PRICKLE2: variants seen among roughly 807,000 people sequenced by gnomAD.
The protein encoded by PRICKLE2 is prickle-like protein 2.
Under a neutral mutation model 81.4 loss-of-function variants are expected in PRICKLE2, and 21 were observed. The ratio of observed to expected loss-of-function variants is 0.26; its 90% CI spans 0.18 to 0.37. The LOEUF (loss-of-function observed/expected upper bound fraction) is 0.37, where lower values mean the gene tolerates loss of function less well. PRICKLE2 is among the 10% of genes least tolerant of loss of function. PRICKLE2 has a pLI of 1.00. For synonymous variants in PRICKLE2, 456 were observed against 421.5 expected (o/e 1.08, Z -1.00); for missense variants, 940 against 1,109.0 (o/e 0.85, Z 2.16).
intron 2 of PRICKLE2, among the ~76,000 whole-genome samples, chr3:64,242,009 C>T (rs1284077310): frequency 1.3e-5 from 2 of 152,130 alleles, no homozygotes; most frequent in African/African-American, 4.8e-5. Context: ...AGAAATCCCT[C>T]CATGTATATT....
At position 64,115,960 on chromosome 3, in the gene PRICKLE2, A is replaced by C. The variant is rs1006575231; in HGVS notation, c.1661-16035T>G. Among the ~76,000 whole-genome samples the C allele has an allele frequency of 2.0e-5, 3 of 152,208 alleles. No individual in the cohort carries two copies. The East Asian group carries it at 5.8e-4, about 29-fold the overall frequency. On this transcript the variant is annotated intron_variant, in intron 7 of 7. Coordinates refer to ENST00000638394, the MANE Select transcript of PRICKLE2 (RefSeq NM_198859.4). Reference sequence around the variant, plus strand: ...CACAATCAGAAGTAAAATTCTCCTCATCAAATGCAAAAGAACTGAAATCAT... The same window carrying C: ...CACAATCAGAAGTAAAATTCTCCTCCTCAAATGCAAAAGAACTGAAATCAT...
intron 2 of PRICKLE2, among the ~76,000 whole-genome samples, chr3:64,236,187 C>A (rs950108717): frequency 6.6e-6 from 1 of 152,110 alleles, no homozygotes; most frequent in Non-Finnish European, 1.5e-5. Flanking sequence ...GAAGTTGATG[C>A]CCAACACCTA....
chr3:64,163,045 G>A lies in PRICKLE2; in HGVS notation c.229C>T (p.Leu77=), dbSNP rs765702961. 3 of 1,613,580 alleles carry A rather than the reference G, an allele frequency of 1.9e-6. No homozygotes were observed. Among genetic ancestry groups the A allele is most frequent in the Non-Finnish European group, 2.5e-6 (3 of 1,179,568 alleles). The change falls in exon 3 of 8, where the codon CTA becomes TTA. Residue 77 remains leucine, a synonymous_variant. Transcript: ENST00000638394. ...TTGTCATGTGGCGGCAGCTGGTGTAGTAGCTGCTTGATTCGCAGTTTCTCT... is the reference window on the plus strand; with the variant it reads ...TTGTCATGTGGCGGCAGCTGGTGTAATAGCTGCTTGATTCGCAGTTTCTCT... ...PGEKLRIKQL[L]HQLPPHDNEV...
At chr3:64,219,995 G>A (rs1384781549) in intron 1 of PRICKLE2, among the ~76,000 whole-genome samples, 4 of 152,252 alleles carry the variant, frequency 2.6e-5, no homozygotes, top group South Asian at 4.2e-4. Context: ...CTCAGTAGGC[G>A]CTCAGTCTGT....
intron 7 of PRICKLE2, among the ~76,000 whole-genome samples, chr3:64,112,973 A>G (rs1156844405): frequency 6.6e-6 from 1 of 152,232 alleles, no homozygotes; most frequent in South Asian, 2.1e-4. Flanking sequence ...CAAGACATAG[A>G]AATCTGGGAA....
intron 1 of PRICKLE2, among the ~76,000 whole-genome samples, chr3:64,221,043 G>A (rs2078944274): frequency 6.6e-6 from 1 of 152,156 alleles, no homozygotes; most frequent in African/African-American, 2.4e-5. Context: ...GACAGATGGG[G>A]AGAGGAGTTT....
intron 2 of PRICKLE2, 41 bp from the exon 3 acceptor site, chr3:64,163,170 A>C (rs371258919): frequency 8.4e-7 from 1 of 1,193,582 alleles, no homozygotes; most frequent in African/African-American, 1.5e-5. Context: ...CCCATTACTC[A>C]AACCATGTGC....
chr3:64,251,229 C>T (rs2107180305), intron 2 of PRICKLE2, among the ~76,000 whole-genome samples: 1 of 152,326 alleles, frequency 6.6e-6, no homozygotes, highest in South Asian at 2.1e-4. Flanking sequence ...GAATTTGAAA[C>T]ATTTAAAGAT....
chr3:64,114,786 C>G (rs79157961), intron 7 of PRICKLE2, among the ~76,000 whole-genome samples: 2 of 152,250 alleles, frequency 1.3e-5, no homozygotes, highest in African/African-American at 4.8e-5. Context: ...ATGGAACCAA[C>G]TTAGTAAACA....
At chr3:64,245,981 ACACTTGTAATCCCAG>A (rs2079344666) in intron 2 of PRICKLE2, among the ~76,000 whole-genome samples, 1 of 152,194 alleles carries the variant, frequency 6.6e-6, no homozygotes. Context: ...GTGGTGGCTC[ACACTTGTAATCCCAG>A]CACTTCAGGA....
intron 2 of PRICKLE2, among the ~76,000 whole-genome samples, chr3:64,264,479 G>C (rs1290703494): frequency 6.6e-6 from 1 of 152,130 alleles, no homozygotes; most frequent in Non-Finnish European, 1.5e-5. Context: ...GTCTGTGCTT[G>C]GCAAAAGCTC....
chr3:64,195,153 G>A (rs1257540501), intron 2 of PRICKLE2, among the ~76,000 whole-genome samples: 5 of 152,204 alleles, frequency 3.3e-5, no homozygotes, highest in Non-Finnish European at 7.3e-5. Context: ...GTGAGCAGAG[G>A]CAAAGGATCT....
intron 2 of PRICKLE2, among the ~76,000 whole-genome samples, chr3:64,241,692 G>C (rs1049901888): frequency 1.3e-5 from 2 of 152,096 alleles, no homozygotes; most frequent in African/African-American, 4.8e-5. Context: ...GACCATCTCA[G>C]AGGCTGTTTC....
At chr3:64,217,964 T>A (rs1044838635) in intron 1 of PRICKLE2, among the ~76,000 whole-genome samples, 6 of 152,196 alleles carry the variant, frequency 3.9e-5, no homozygotes, top group African/African-American at 1.4e-4. Context: ...TGGGATTCAT[T>A]TTCAGGACAA....
intron 6 of PRICKLE2, among the ~76,000 whole-genome samples, chr3:64,151,076 A>T (rs144976106): frequency 7.0e-4 from 106 of 152,328 alleles, no homozygotes; most frequent in African/African-American, 2.4e-3. Context: ...TGCTGTGCAC[A>T]GGCAAAAGTA....
rs763436170 is a variant in PRICKLE2 at position 64,099,234 on chromosome 3, A to C, written c.2352T>G (p.Ser784=). Residue 784 remains serine, a synonymous_variant, in exon 8 of 8, where the codon TCT becomes TCG. Transcript: ENST00000638394. The surrounding 1 kb of genome is among the most constrained non-coding windows in gnomAD (Gnocchi z 4.3). Reference sequence around the variant, plus strand: ...CTCCTAGGAAATAGCCCTCGTTGTCAGACTCTGAAGAGGAGGAGCAGGTGG... The same window carrying C: ...CTCCTAGGAAATAGCCCTCGTTGTCCGACTCTGAAGAGGAGGAGCAGGTGG... ...WCSTCSSSSE[S]DNEGYFLGEP... The C allele has an allele frequency of 3.7e-6, 6 of 1,614,088 alleles. No individual in the cohort carries two copies. The Admixed American group carries it at 5.0e-5, about 13-fold the overall frequency.
intron 2 of PRICKLE2, among the ~76,000 whole-genome samples, chr3:64,241,505 C>T (rs188671941): frequency 8.4e-4 from 128 of 152,342 alleles, no homozygotes; most frequent in African/African-American, 3.0e-3. Flanking sequence ...TGCATGCATG[C>T]ATATTTTAAC....
At chr3:64,186,572 CA>C (rs2107089737) in intron 2 of PRICKLE2, among the ~76,000 whole-genome samples, 1 of 152,284 alleles carries the variant, frequency 6.6e-6, no homozygotes, top group South Asian at 2.1e-4. Flanking sequence ...CCTAAAGCAA[CA>C]TATAAAGACT....
intron 2 of PRICKLE2, among the ~76,000 whole-genome samples, chr3:64,166,617 T>C (rs1449364082): frequency 1.3e-5 from 2 of 152,200 alleles, no homozygotes; most frequent in African/African-American, 4.8e-5. Flanking sequence ...TCCTCAAATA[T>C]ACAATATGCT....
Sources: gnomAD v4.1 joint callset for allele counts (sites outside exome capture counted in the v4.1 genomes callset) on GRCh38, gnomAD v4.1.1 for gene constraint, Gnocchi (gnomAD v3.1) non-coding constraint, MANE v1.5 for transcripts, NCBI Gene and HGNC (gene_info 2026-07-23, HGNC 2026-07-21) for gene names.